F13A1: variants seen among roughly 807,000 people sequenced by gnomAD.
F13A1 encodes the protein coagulation factor XIII A chain.
Under a neutral mutation model 80.1 loss-of-function variants are expected in F13A1, and 47 were observed. That is an observed-to-expected ratio of 0.59 (90% CI 0.46 to 0.75). F13A1 has a LOEUF of 0.75. F13A1 is among the 30% of genes least tolerant of loss of function. The pLI, the probability that F13A1 is intolerant of heterozygous loss-of-function variation, is 0.00. For synonymous variants in F13A1, 349 were observed against 344.9 expected (o/e 1.01, Z -0.13); for missense variants, 817 against 930.4 (o/e 0.88, Z 1.59).
At chr6:6,217,974 C>A (rs145828152) in intron 8 of F13A1, among the ~76,000 whole-genome samples, 1 of 152,286 alleles carries the variant, frequency 6.6e-6, no homozygotes, top group East Asian at 1.9e-4. Context: ...CTATGCCCTG[C>A]ACACTGTTAC....
intron 6 of F13A1, among the ~76,000 whole-genome samples, chr6:6,229,346 T>C (rs1280689466): frequency 1.3e-5 from 2 of 151,970 alleles, no homozygotes; most frequent in East Asian, 3.9e-4. Context: ...GAGGACCAAA[T>C]CATACCATTA....
intron 13 of F13A1, among the ~76,000 whole-genome samples, chr6:6,161,292 G>A (rs995921327): frequency 6.6e-6 from 1 of 152,174 alleles, no homozygotes; most frequent in African/African-American, 2.4e-5. Flanking sequence ...CTTCAGGCCA[G>A]TGGCCCACAT....
intron 3 of F13A1, among the ~76,000 whole-genome samples, chr6:6,280,428 AT>A (rs1333884966): frequency 6.6e-6 from 1 of 152,240 alleles, no homozygotes; most frequent in African/African-American, 2.4e-5. Context: ...GGCAGAAAGA[AT>A]GACACACATT....
intron 7 of F13A1, among the ~76,000 whole-genome samples, chr6:6,223,216 G>A (rs973622537): frequency 1.3e-5 from 2 of 152,172 alleles, no homozygotes; most frequent in African/African-American, 4.8e-5. Context: ...CCCACTGTGT[G>A]TTTCTGCCTT....
At chr6:6,271,945 A>C (rs1757926803) in intron 3 of F13A1, among the ~76,000 whole-genome samples, 1 of 152,226 alleles carries the variant, frequency 6.6e-6, no homozygotes, top group South Asian at 2.1e-4. Flanking sequence ...CTTTAATTCC[A>C]TTTGTGATGT....
intron 1 of F13A1, among the ~76,000 whole-genome samples, chr6:6,319,841 A>G (rs1758746472): frequency 6.6e-6 from 1 of 152,252 alleles, no homozygotes; most frequent in African/African-American, 2.4e-5. Context: ...GGTATCCATA[A>G]GTATAGATAA....
chr6:6,248,375 T>C lies in F13A1; in HGVS notation c.735A>G (p.Arg245=). The C allele has an allele frequency of 1.2e-6, 2 of 1,613,934 alleles. No homozygotes were observed. The highest frequency in any genetic ancestry group is 1.7e-6 in the Non-Finnish European group (2 of 1,179,884). The change falls in exon 6 of 15, where the codon AGA becomes AGG. Residue 245 remains arginine (R), a synonymous_variant. Transcript: ENST00000264870. ...CTCTTCCAGAGAGGTCCATTTGTGC[T>C]CTGTCCATCACATACAGGCAAGTGT... ...ILDTCLYVMD[R]AQMDLSGRGN...
chr6:6,145,912 A>G (rs570535447), intron 14 of F13A1, 140 bp from the exon 15 acceptor site: 1 of 1,118,356 alleles, frequency 8.9e-7, no homozygotes, highest in African/African-American at 1.5e-5. Context: ...TCACTGGCTG[A>G]TTCAGCAAGT....
Position 6,219,780 on chromosome 6 carries a change from A to G in F13A1, c.1112+2253T>C, listed in dbSNP as rs551928361. On this transcript the variant is annotated intron_variant, in intron 8 of 14. Transcript: ENST00000264870. Reference sequence around the variant, plus strand: ...CTGCTTTTTCTTTAAAAATACCCCAAAGTAACAGAAATAGCACAGTCATCT... The same window carrying G: ...CTGCTTTTTCTTTAAAAATACCCCAGAGTAACAGAAATAGCACAGTCATCT... Among the ~76,000 whole-genome samples, 7 of 152,226 alleles carry G rather than the reference A, an allele frequency of 4.6e-5. No homozygotes were observed. The East Asian group carries it at 1.3e-3, about 29-fold the overall frequency.
intron 8 of F13A1, among the ~76,000 whole-genome samples, chr6:6,216,114 C>A (rs1315777280): frequency 1.3e-5 from 2 of 150,858 alleles, no homozygotes; most frequent in African/African-American, 4.9e-5. Context: ...AGGTAATTTA[C>A]AGATTCAATG....
At chr6:6,295,873 T>G (rs1459680748) in intron 3 of F13A1, among the ~76,000 whole-genome samples, 3 of 139,742 alleles carry the variant, frequency 2.1e-5, no homozygotes, top group African/African-American at 3.2e-5. Context: ...GTTTTTATGG[T>G]TTTAGGTCTA....
chr6:6,266,348 C>G (rs962193843), intron 4 of F13A1, among the ~76,000 whole-genome samples: 3 of 152,212 alleles, frequency 2.0e-5, no homozygotes, highest in African/African-American at 7.2e-5. Flanking sequence ...TCTCCCACTT[C>G]AGCCTCCCAA....
chr6:6,207,385 A>G (rs1351899222), intron 8 of F13A1, among the ~76,000 whole-genome samples: 1 of 152,240 alleles, frequency 6.6e-6, no homozygotes, highest in Non-Finnish European at 1.5e-5. Context: ...CCCTATTCAT[A>G]TAATGTATAA....
intron 3 of F13A1, among the ~76,000 whole-genome samples, chr6:6,276,048 G>T (rs1757983925): frequency 6.6e-6 from 1 of 152,198 alleles, no homozygotes; most frequent in African/African-American, 2.4e-5. Context: ...AAAGAATCTG[G>T]ACTTGTGTTT....
intron 6 of F13A1, among the ~76,000 whole-genome samples, chr6:6,231,738 A>T (rs1307721610): frequency 6.6e-6 from 1 of 152,212 alleles, no homozygotes; most frequent in Non-Finnish European, 1.5e-5. Flanking sequence ...CTCAGCAGAA[A>T]CCCTACAATC....
chr6:6,151,276 A>G (rs1282580621), intron 14 of F13A1, among the ~76,000 whole-genome samples: 3 of 94,106 alleles, frequency 3.2e-5, no homozygotes, highest in African/African-American at 1.2e-4. Context: ...AGGCTCAACT[A>G]AAAAAAAACC....
intron 3 of F13A1, among the ~76,000 whole-genome samples, chr6:6,280,984 AG>A (rs1758052669): frequency 6.6e-6 from 1 of 152,124 alleles, no homozygotes; most frequent in Non-Finnish European, 1.5e-5. Flanking sequence ...GAGTGGCTGG[AG>A]AATCCTCACT....
At chr6:6,183,841 T>G (rs1761030242) in intron 10 of F13A1, among the ~76,000 whole-genome samples, 1 of 152,226 alleles carries the variant, frequency 6.6e-6, no homozygotes, top group African/African-American at 2.4e-5. Flanking sequence ...AGTTCCTGAT[T>G]CTATAAAATA....
intron 6 of F13A1, among the ~76,000 whole-genome samples, chr6:6,237,680 T>C (rs182117427): frequency 4.3e-4 from 66 of 152,368 alleles, no homozygotes; most frequent in African/African-American, 1.5e-3. Flanking sequence ...CATAGTACTC[T>C]TTGCATAGTA....
Sources: allele counts gnomAD v4.1 joint callset (sites outside exome capture counted in the v4.1 genomes callset), GRCh38; gene constraint gnomAD v4.1.1; transcripts MANE v1.5; gene names NCBI Gene and HGNC (gene_info 2026-07-23, HGNC 2026-07-21).